Variants in IGF2BP3 observed in about 807,000 individuals in gnomAD.
The protein encoded by IGF2BP3 is insulin like growth factor 2 mRNA binding protein 3.
Under a neutral mutation model 73.8 loss-of-function variants are expected in IGF2BP3, and 9 were observed. The observed-to-expected ratio is 0.12, with a 90% CI of 0.07 to 0.21. IGF2BP3 has a LOEUF of 0.21. Ranked by LOEUF, IGF2BP3 falls within the 10% of genes least tolerant of loss-of-function variation. IGF2BP3 has a pLI of 1.00. For missense variants in IGF2BP3, 542 were observed against 714.0 expected (o/e 0.76, Z 2.75); for synonymous variants, 258 against 256.7 (o/e 1.01, Z -0.05).
intron 3 of IGF2BP3, among the ~76,000 whole-genome samples, chr7:23,408,434 A>T (rs1271648931): frequency 6.6e-6 from 1 of 152,232 alleles, no homozygotes; most frequent in Admixed American, 6.5e-5. Context: ...TACTAAAAAC[A>T]AGTGGAAGTC....
intron 3 of IGF2BP3, among the ~76,000 whole-genome samples, chr7:23,406,799 C>G (rs1786845575): frequency 6.6e-6 from 1 of 152,128 alleles, no homozygotes; most frequent in African/African-American, 2.4e-5. Context: ...ACACAGAGCA[C>G]TGATTGGTGC....
intron 10 of IGF2BP3, among the ~76,000 whole-genome samples, chr7:23,321,377 C>T (rs1019114079): frequency 3.3e-5 from 5 of 152,236 alleles, no homozygotes; most frequent in Admixed American, 2.0e-4. Flanking sequence ...GCTTAAAAAA[C>T]GGCACACCAG....
At chr7:23,380,251 C>T (rs1007672309) in intron 3 of IGF2BP3, among the ~76,000 whole-genome samples, 2 of 151,002 alleles carry the variant, frequency 1.3e-5, no homozygotes, top group South Asian at 2.1e-4. Flanking sequence ...GCAACCTCCG[C>T]CTCCCGGGTT....
intron 2 of IGF2BP3, among the ~76,000 whole-genome samples, chr7:23,434,654 A>G (rs1317605724): frequency 1.3e-5 from 2 of 152,184 alleles, no homozygotes; most frequent in Non-Finnish European, 2.9e-5. Flanking sequence ...CTTTTCTCCC[A>G]AGATATAATT....
At chr7:23,332,075 G>C (rs554428466) in intron 10 of IGF2BP3, among the ~76,000 whole-genome samples, 1 of 152,154 alleles carries the variant, frequency 6.6e-6, no homozygotes, top group South Asian at 2.1e-4. Flanking sequence ...CAGCAAGGGG[G>C]AAATCCGCCC....
chr7:23,317,287 G>C (rs1276991241), intron 12 of IGF2BP3, among the ~76,000 whole-genome samples: 1 of 152,164 alleles, frequency 6.6e-6, no homozygotes, highest in Non-Finnish European at 1.5e-5. Flanking sequence ...TTTAATTCAA[G>C]TCTAGGCAAT....
Position 23,312,280 on chromosome 7 carries a change from A to AG in IGF2BP3, c.*81dup, listed in dbSNP as rs1176544003. On this transcript the variant is annotated 3_prime_UTR_variant, in exon 15 of 15. Transcript: ENST00000258729. ...AAAACTTGTGCATGTGATTCTGGAT[A>AG]GGGGGTCAGCGCCCATCTGTTGGTT... 44 of 1,007,154 alleles carry AG rather than the reference A, an allele frequency of 4.4e-5. No individual in the cohort carries two copies. The highest frequency in any genetic ancestry group is 3.6e-4 in the South Asian group (27 of 75,558). The allele number at this position is 1,007,154 out of a possible 1,614,324, so 62.4% of individuals were successfully genotyped here.
At position 23,317,693 on chromosome 7, in the gene IGF2BP3, T is replaced by C; in HGVS notation, c.1341A>G (p.Pro447=). 1 of 1,614,062 alleles carries C rather than the reference T, an allele frequency of 6.2e-7. No individual in the cohort carries two copies. The highest frequency in any genetic ancestry group is 1.3e-5 in the African/African-American group (1 of 75,066). Residue 447 remains proline (P), a synonymous_variant, in exon 12 of 15, where the codon CCA becomes CCG. Coordinates refer to ENST00000258729, the MANE Select transcript of IGF2BP3 (RefSeq NM_006547.3). ...ASIKIAPAEA[P]DAKVRMVIIT... ...TAATCACCATCCTCACTTTAGCATC[T>C]GGTGCTTCCGCTGGAGCAATCTGTA...
chr7:23,441,457 C>T (rs187413301), intron 2 of IGF2BP3, among the ~76,000 whole-genome samples: 2 of 151,670 alleles, frequency 1.3e-5, no homozygotes, highest in Non-Finnish European at 2.9e-5. Flanking sequence ...CCTGTAGTTC[C>T]AGCTACTTGG....
At chr7:23,349,315 T>TTGA (rs1421629399) in intron 6 of IGF2BP3, among the ~76,000 whole-genome samples, 6 of 152,202 alleles carry the variant, frequency 3.9e-5, no homozygotes, top group Non-Finnish European at 5.9e-5. Context: ...CCTAAATGTT[T>TTGA]GGTTGAAATC....
rs530928143 is a variant in IGF2BP3 at position 23,347,389 on chromosome 7, T to C, written c.818+211A>G. 1.6e-4 allele frequency among the ~76,000 whole-genome samples: 25 copies of C among 152,286 alleles called. No homozygotes were observed. In the South Asian group the frequency reaches 4.8e-3, roughly 29 times the overall value. On this transcript the variant is annotated intron_variant, in intron 7 of 14. Coordinates refer to ENST00000258729, the MANE Select transcript of IGF2BP3 (RefSeq NM_006547.3). Reference sequence around the variant, plus strand: ...ATAGCTGCATTTCTCTTCCCCGTTATCACCACTCGCCTATGTTCAAATGTG... The same window carrying C: ...ATAGCTGCATTTCTCTTCCCCGTTACCACCACTCGCCTATGTTCAAATGTG...
chr7:23,312,947 C>T, intron 13 of IGF2BP3, 99 bp from the exon 14 acceptor site: 1 of 674,050 alleles, frequency 1.5e-6, no homozygotes, highest in Non-Finnish European at 2.5e-6. Context: ...TATGGCTTTA[C>T]AAATTTCATT....
intron 2 of IGF2BP3, among the ~76,000 whole-genome samples, chr7:23,446,796 T>C (rs945942312): frequency 2.0e-5 from 3 of 152,112 alleles, no homozygotes; most frequent in Admixed American, 1.3e-4. Flanking sequence ...AGACACTACT[T>C]AACCAATTGG....
At chr7:23,432,728 C>T (rs141223607) in intron 2 of IGF2BP3, among the ~76,000 whole-genome samples, 106 of 151,834 alleles carry the variant, frequency 7.0e-4, no homozygotes, top group Non-Finnish European at 1.1e-3. Context: ...GCAGCCTCAA[C>T]CTCCGAGGTT....
rs146607039 is a variant in IGF2BP3, at chr7:23,337,386, G to T, written c.1203+4678C>A. On this transcript the variant is annotated intron_variant, in intron 10 of 14. Coordinates refer to ENST00000258729, the MANE Select transcript of IGF2BP3 (RefSeq NM_006547.3). ...CTGGAATATGGAATTTTCTCCTCCA[G>T]AATTTAGATTCTGCTTTTTGAGAGA... Among the ~76,000 whole-genome samples, 7 of 152,314 alleles carry T rather than the reference G, an allele frequency of 4.6e-5. 1 individual carries two copies. The highest frequency in any genetic ancestry group is 4.6e-4 in the Admixed American group (7 of 15,300).
intron 3 of IGF2BP3, among the ~76,000 whole-genome samples, chr7:23,410,172 A>AT (rs1260244855): frequency 1.3e-5 from 2 of 151,938 alleles, no homozygotes; most frequent in East Asian, 1.9e-4. Flanking sequence ...CCATCTTAAA[A>AT]TTTTTTTTAA....
chr7:23,386,573 T>C (rs962365759), intron 3 of IGF2BP3, among the ~76,000 whole-genome samples: 3 of 152,018 alleles, frequency 2.0e-5, no homozygotes, highest in Non-Finnish European at 4.4e-5. Flanking sequence ...AAAATAAATA[T>C]CCACAAGCCA....
rs769391858 is a variant in IGF2BP3 at position 23,441,574 on chromosome 7, TAAAAAAAAAAAAAAAAAA to T, written c.237-22768_237-22751del. On this transcript the variant is annotated intron_variant, in intron 2 of 14. Coordinates refer to ENST00000258729, the MANE Select transcript of IGF2BP3 (RefSeq NM_006547.3). ...GGGACAAGAGTGAGACTCCATCTCT[TAAAAAAAAAAAAAAAAAA>T]AAAAAAAAAAAAGACACATATGTTA... is the stretch of plus-strand genomic sequence containing the variant. 8.3e-3 allele frequency among the ~76,000 whole-genome samples: 474 copies of T among 56,974 alleles called. 5 individuals carry two copies. The highest frequency in any genetic ancestry group is 0.032 in the African/African-American group (458 of 14,356). The allele number at this position is 56,974 out of a possible 152,430, so 37.4% of individuals were successfully genotyped here.
intron 2 of IGF2BP3, among the ~76,000 whole-genome samples, chr7:23,440,090 C>T (rs767817274): frequency 5.3e-5 from 8 of 151,980 alleles, no homozygotes; most frequent in Non-Finnish European, 8.8e-5. Flanking sequence ...GGTGAAACCC[C>T]GTCTCTACTA....
Sources: allele counts gnomAD v4.1 joint callset (sites outside exome capture counted in the v4.1 genomes callset), GRCh38; gene constraint gnomAD v4.1.1; transcripts MANE v1.5; gene names NCBI Gene and HGNC (gene_info 2026-07-23, HGNC 2026-07-21).